LRP1B: variants seen among roughly 807,000 people sequenced by gnomAD.
LRP1B encodes LDL receptor related protein 1B, also known as low-density lipoprotein receptor-related protein 1B.
LRP1B carries 217 observed loss-of-function variants against 556.6 expected under a neutral mutation model. The observed-to-expected ratio is 0.39, with a 90% confidence interval of 0.35 to 0.44. LRP1B has a LOEUF of 0.44. Among genes scored for constraint, LRP1B ranks in the 20% least tolerant of loss-of-function variants. LRP1B has a pLI of 1.00. For synonymous variants in LRP1B, 2,047 were observed against 1,865.8 expected (o/e 1.10, Z -2.50); for missense variants, 5,053 against 5,620.8 (o/e 0.90, Z 3.23).
At chr2:141,778,566 C>CACAGT (rs139142460) in intron 2 of LRP1B, among the ~76,000 whole-genome samples, 29,632 of 152,036 alleles carry the variant, frequency 0.19, 3,331 homozygotes, top group East Asian at 0.39. Context: ...TGTGGTAAGT[C>CACAGT]ACAGCCATTT....
intron 20 of LRP1B, among the ~76,000 whole-genome samples, chr2:140,939,038 T>C (rs1695316140): frequency 6.6e-6 from 1 of 151,978 alleles, no homozygotes; most frequent in Non-Finnish European, 1.5e-5. Flanking sequence ...ACAAACTCGA[T>C]TGATATGATT....
intron 1 of LRP1B, among the ~76,000 whole-genome samples, chr2:141,890,371 A>G (rs78013202): frequency 0.38 from 49,328 of 131,052 alleles, 10,510 homozygotes; most frequent in Middle Eastern, 0.48. Flanking sequence ...ATATATATAT[A>G]TAGTGTGTAT....
intron 2 of LRP1B, among the ~76,000 whole-genome samples, chr2:141,629,163 T>G (rs1456699355): frequency 6.6e-6 from 1 of 152,210 alleles, no homozygotes; most frequent in African/African-American, 2.4e-5. Flanking sequence ...AAAAGCAAGG[T>G]TTACAGTTTG....
intron 18 of LRP1B, among the ~76,000 whole-genome samples, chr2:140,981,101 G>T (rs1193820172): frequency 6.6e-6 from 1 of 151,608 alleles, no homozygotes; most frequent in Admixed American, 6.6e-5. Context: ...TGGGGGGAAA[G>T]CTGTAAAGGG....
intron 52 of LRP1B, among the ~76,000 whole-genome samples, 158 bp from the exon 53 acceptor site, chr2:140,507,076 A>G (rs1012303929): frequency 4.6e-5 from 7 of 152,226 alleles, no homozygotes; most frequent in African/African-American, 1.7e-4. Context: ...ATAAGCTAAT[A>G]ATTGCATATG....
At position 141,844,634 on chromosome 2, in the gene LRP1B, A is replaced by G. The variant is rs554974674; in HGVS notation, c.83-34233T>C. On this transcript the variant is annotated intron_variant, in intron 1 of 90. Coordinates refer to ENST00000389484, the MANE Select transcript of LRP1B (RefSeq NM_018557.3). Reference sequence around the variant, plus strand: ...TTCTAATTTTACTTACCAAATTACAATGGGCATGATAAAAAGAAGACTCAC... The same window carrying G: ...TTCTAATTTTACTTACCAAATTACAGTGGGCATGATAAAAAGAAGACTCAC... Among the ~76,000 whole-genome samples, 11 of 152,198 alleles carry G rather than the reference A, an allele frequency of 7.2e-5. No homozygotes were observed. In the East Asian group the frequency reaches 2.1e-3, roughly 29 times the overall value.
chr2:140,640,183 T>C (rs1357496342), intron 41 of LRP1B, among the ~76,000 whole-genome samples: 1 of 150,742 alleles, frequency 6.6e-6, no homozygotes, highest in Non-Finnish European at 1.5e-5. Context: ...TTTTTGTATT[T>C]TTAGTAGAGA....
chr2:141,757,394 G>T (rs1694361531), intron 2 of LRP1B, among the ~76,000 whole-genome samples: 1 of 152,054 alleles, frequency 6.6e-6, no homozygotes, highest in Non-Finnish European at 1.5e-5. Flanking sequence ...CTTTCCTACT[G>T]AATCAGAATC....
intron 60 of LRP1B, among the ~76,000 whole-genome samples, chr2:140,468,361 C>A (rs1423018609): frequency 1.3e-5 from 2 of 152,160 alleles, no homozygotes; most frequent in African/African-American, 4.8e-5. Context: ...CCACAGAAAG[C>A]CTTGGGGTTG....
At chr2:142,099,253 T>G (rs1706488334) in intron 1 of LRP1B, among the ~76,000 whole-genome samples, 1 of 151,922 alleles carries the variant, frequency 6.6e-6, no homozygotes, top group Non-Finnish European at 1.5e-5. Flanking sequence ...TCAATATACA[T>G]TCTTCCCTTG....
intron 59 of LRP1B, among the ~76,000 whole-genome samples, chr2:140,482,212 C>T (rs920923303): frequency 2.0e-5 from 3 of 152,032 alleles, no homozygotes; most frequent in Non-Finnish European, 2.9e-5. Context: ...ATTCTCACTC[C>T]TACCAACAGT....
chr2:141,229,296 A>G lies in LRP1B; in HGVS notation c.737T>C (p.Met246Thr), dbSNP rs148653480. The change falls in exon 6 of 91, where the codon ATG becomes ACG. Residue 246 changes from methionine (M) to threonine (T), a missense_variant. Coordinates refer to ENST00000389484, the MANE Select transcript of LRP1B (RefSeq NM_018557.3). ...HTLDFIYNED[M>T]ICWIESRESS... ...TTCTCTTGATTCAATCCAACAAATCATATCTTCATTATAAATAAAATCCAG... is the reference window on the plus strand; with the variant it reads ...TTCTCTTGATTCAATCCAACAAATCGTATCTTCATTATAAATAAAATCCAG... 4.9e-5 allele frequency: 79 copies of G among 1,612,536 alleles called. No homozygotes were observed. Among genetic ancestry groups the G allele is most frequent in the African/African-American group, 1.2e-4 (9 of 74,916 alleles).
chr2:140,934,632 A>G (rs1695149921), intron 20 of LRP1B, among the ~76,000 whole-genome samples: 2 of 152,130 alleles, frequency 1.3e-5, no homozygotes, highest in Admixed American at 1.3e-4. Flanking sequence ...AGCAGCTTGC[A>G]CACAGCTTGT....
chr2:140,407,751 T>C (rs1028360200), intron 66 of LRP1B, among the ~76,000 whole-genome samples: 1 of 151,936 alleles, frequency 6.6e-6, no homozygotes, highest in African/African-American at 2.4e-5. Context: ...TAGTACAACC[T>C]CTTTGGAAAA....
chr2:141,585,181 A>G (rs1000585931), intron 2 of LRP1B, among the ~76,000 whole-genome samples: 3 of 152,066 alleles, frequency 2.0e-5, no homozygotes, highest in African/African-American at 7.3e-5. Context: ...GCCACAGTCT[A>G]CTCACCTTGA....
chr2:141,938,764 G>A (rs1028639397), intron 1 of LRP1B, among the ~76,000 whole-genome samples: 1 of 151,810 alleles, frequency 6.6e-6, no homozygotes, highest in Non-Finnish European at 1.5e-5. Context: ...ATATATGTGT[G>A]TGTGTGTGTA....
intron 2 of LRP1B, among the ~76,000 whole-genome samples, chr2:141,618,867 C>T (rs1053602750): frequency 2.0e-5 from 3 of 152,162 alleles, no homozygotes; most frequent in African/African-American, 7.2e-5. Flanking sequence ...GAGCCTTGAC[C>T]ATCAGTTATT....
chr2:142,113,192 T>C (rs1707064233), intron 1 of LRP1B, among the ~76,000 whole-genome samples: 1 of 152,046 alleles, frequency 6.6e-6, no homozygotes, highest in Non-Finnish European at 1.5e-5. Context: ...AGCCCACTTC[T>C]CTTGGTTCCC....
intron 20 of LRP1B, among the ~76,000 whole-genome samples, chr2:140,942,664 G>T (rs1311560161): frequency 1.3e-5 from 2 of 151,840 alleles, no homozygotes. Context: ...CACCAAGCCA[G>T]AATTTCATAT....
Sources: allele counts gnomAD v4.1 joint callset (sites outside exome capture counted in the v4.1 genomes callset), GRCh38; gene constraint gnomAD v4.1.1; transcripts MANE v1.5; gene names NCBI Gene and HGNC (gene_info 2026-07-23, HGNC 2026-07-21).